Variants in FSIP2 observed in about 807,000 individuals in gnomAD.
The protein encoded by FSIP2 is fibrous sheath-interacting protein 2.
FSIP2 carries 367 observed loss-of-function variants against 510.5 expected under a neutral mutation model. The observed-to-expected ratio is 0.72, with a 90% CI of 0.66 to 0.78. The LOEUF (loss-of-function observed/expected upper bound fraction) is 0.78. FSIP2 is among the 30% of genes least tolerant of loss of function. The probability of loss-of-function intolerance (pLI) is 0.00; values close to 1 mark genes in which losing one functional copy is unlikely to be tolerated. For synonymous variants in FSIP2, 2,601 were observed against 2,732.2 expected (o/e 0.95, Z 1.50); for missense variants, 7,594 against 7,901.7 (o/e 0.96, Z 1.48).
rs537271657 is a variant in FSIP2, at chr2:185,770,126, G to A, written c.1411+5561G>A. On this transcript the variant is annotated intron_variant, in intron 13 of 22. Transcript: ENST00000424728. Reference sequence around the variant, plus strand: ...GTGTGAAGAATGCCATTGGTAGTTTGATAGGAATGGCATTGAATCTGTAAA... The same window carrying A: ...GTGTGAAGAATGCCATTGGTAGTTTAATAGGAATGGCATTGAATCTGTAAA... 1.5e-4 allele frequency among the ~76,000 whole-genome samples: 23 copies of A among 152,220 alleles called. No individual in the cohort carries two copies. The South Asian group carries it at 4.4e-3, about 29-fold the overall frequency.
At position 185,806,613 on chromosome 2, in the gene FSIP2, T is replaced by G; in HGVS notation, c.17307T>G (p.Asp5769Glu). The change falls in exon 17 of 23, where the codon GAT (aspartate) becomes GAG (glutamate). Residue 5769 changes from aspartate (D) to glutamate (E), a missense_variant. Coordinates refer to ENST00000424728, the MANE Select transcript of FSIP2 (RefSeq NM_173651.4). ...EEIKSEPSKP[D>E]DPQNQRESKP... ...TTAAAAGTGAACCCAGTAAACCAGA[T>G]GATCCTCAAAACCAACGAGAAAGTA... 1 of 1,609,212 alleles carries G rather than the reference T, an allele frequency of 6.2e-7. No homozygotes were observed. The highest frequency in any genetic ancestry group is 8.5e-7 in the Non-Finnish European group (1 of 1,178,182).
chr2:185,766,747 G>A (rs1033586759), intron 13 of FSIP2, among the ~76,000 whole-genome samples: 11 of 148,924 alleles, frequency 7.4e-5, no homozygotes, highest in African/African-American at 2.5e-4. Flanking sequence ...AACCATTGTG[G>A]AAGTCAGTGT....
Position 185,801,036 on chromosome 2 carries a change from T to A in FSIP2, c.11730T>A (p.Asn3910Lys), listed in dbSNP as rs1459283084. 2 of 1,532,064 alleles carry A rather than the reference T, an allele frequency of 1.3e-6. No homozygotes were observed. The highest frequency in any genetic ancestry group is 4.9e-5 in the East Asian group (2 of 40,816). The allele number at this position is 1,532,064 out of a possible 1,614,324, so 94.9% of individuals were successfully genotyped here. The change falls in exon 17 of 23, where the codon AAT (asparagine) becomes AAA (lysine). Residue 3910 changes from asparagine (N) to lysine (K), a missense_variant. Coordinates refer to ENST00000424728, the MANE Select transcript of FSIP2 (RefSeq NM_173651.4). ...SSLELRSYDS[N>K]SLTVSLNNPS... ...TAGAACTCAGGAGCTATGATAGTAA[T>A]TCTTTGACAGTATCCCTGAATAATC...
chr2:185,815,781 G>A (rs1465844231), intron 19 of FSIP2, among the ~76,000 whole-genome samples: 3 of 152,032 alleles, frequency 2.0e-5, no homozygotes, highest in Non-Finnish European at 4.4e-5. Flanking sequence ...TAATGGCCCA[G>A]AAATGAAATA....
chr2:185,802,188 A>C lies in FSIP2; in HGVS notation c.12882A>C (p.Arg4294Ser), dbSNP rs1693455747. 1 of 1,533,194 alleles carries C rather than the reference A, an allele frequency of 6.5e-7. No homozygotes were observed. Among genetic ancestry groups the C allele is most frequent in the Non-Finnish European group, 8.7e-7 (1 of 1,145,128 alleles). The allele number at this position is 1,533,194 out of a possible 1,614,324, so 95.0% of individuals were successfully genotyped here. A position where few individuals can be genotyped will look rare whatever the true frequency, so the allele number is the denominator to read the frequency against. ...TGAGTGAAGTGATAGAGTCACACAG[A>C]CCTCAGAAGCAATCACCTTTAGATA... is the stretch of plus-strand genomic sequence containing the variant. ...QVLSEVIESH[R>S]PQKQSPLDIH... The change falls in exon 17 of 23, where the codon AGA becomes AGC. Residue 4294 changes from arginine (R) to serine (S), a missense_variant. By Grantham distance (110) the Arg-to-Ser change is moderately radical. Coordinates refer to ENST00000424728, the MANE Select transcript of FSIP2 (RefSeq NM_173651.4).
rs1183967912 is a variant in FSIP2, at chr2:185,756,297, AAGAAAC to A, written c.1078+21_1078+26del. 1 of 941,538 alleles carries A rather than the reference AAGAAAC, an allele frequency of 1.1e-6. No individual in the cohort carries two copies. Among genetic ancestry groups the A allele is most frequent in the Non-Finnish European group, 1.5e-6 (1 of 651,978 alleles). 58.3% of individuals were successfully genotyped at this position (941,538 alleles called of 1,614,324 possible). On this transcript the variant is annotated intron_variant, in intron 9 of 22. Transcript: ENST00000424728. ...ACACATGGTAATTGAATATTGTGACAAGAAACACTAGATACTAAACAATAATTTGGG... is the reference window on the plus strand; with the variant it reads ...ACACATGGTAATTGAATATTGTGACAACTAGATACTAAACAATAATTTGGG...
chr2:185,791,355 A>G lies in FSIP2; in HGVS notation c.4219A>G (p.Lys1407Glu). The G allele has an allele frequency of 6.5e-7, 1 of 1,534,176 alleles. No individual in the cohort carries two copies. Among genetic ancestry groups the G allele is most frequent in the South Asian group, 1.2e-5 (1 of 84,018 alleles). ...TAGGCAAGATAAAAAATCTTTTCAC[A>G]AATATTTGGCTACTCCTTGTACTCA... ...PNRQDKKSFH[K>E]YLATPCTHHS... Residue 1407 changes from lysine to glutamate, a missense_variant, in exon 16 of 23, where the codon AAA (lysine) becomes GAA (glutamate). Transcript: ENST00000424728.
rs1693443118 is a variant in FSIP2, at chr2:185,801,800, G to GA, written c.12501dup (p.Tyr4168IlefsTer6). ...CCACCCATTACATGTTCCTCTTTAG[G>GA]AAAAAAATATTTAATGAGTTCTGAT... On this transcript the variant is annotated frameshift_variant, in exon 17 of 23. Transcript: ENST00000424728. LOFTEE classifies it high-confidence loss of function. 6.7e-6 allele frequency: 10 copies of GA among 1,492,124 alleles called. No homozygotes were observed. Among genetic ancestry groups the GA allele is most frequent in the South Asian group, 1.3e-5 (1 of 77,612 alleles). The allele number at this position is 1,492,124 out of a possible 1,614,324, so 92.4% of individuals were successfully genotyped here.
In FSIP2 at chr2:185,747,508, A is replaced by G. The variant is rs1005742954; in HGVS notation, c.870+85A>G. 6 of 686,484 alleles carry G rather than the reference A, an allele frequency of 8.7e-6. No individual in the cohort carries two copies. The East Asian group carries it at 1.6e-4, about 19-fold the overall frequency. 42.5% of individuals were successfully genotyped at this position (686,484 alleles called of 1,614,324 possible). A position where few individuals can be genotyped will look rare whatever the true frequency, so the allele number is the denominator to read the frequency against. On this transcript the variant is annotated intron_variant, in intron 7 of 22. Transcript: ENST00000424728. The stretch of plus-strand genomic sequence containing the variant: ...TTTGAAGTACAAATCACTTTGTGAG[A>G]TGACTGTTGCCCAGTTACTCCAAAT...
upstream of FSIP2, among the ~76,000 whole-genome samples, chr2:185,737,183 G>A (rs781028952): frequency 9.9e-5 from 15 of 152,200 alleles, no homozygotes; most frequent in Non-Finnish European, 1.9e-4. Context: ...TTTCTGCCCA[G>A]TGAGATTCTC....
At chr2:185,739,230 C>A in intron 1 of FSIP2, 116 bp from the exon 2 acceptor site, 1 of 1,243,672 alleles carries the variant, frequency 8.0e-7, no homozygotes, top group Non-Finnish European at 1.1e-6. Context: ...TCAGGATGCC[C>A]CGAACCCTGA....
At chr2:185,737,799 C>A (rs1214145753), upstream of FSIP2, among the ~76,000 whole-genome samples, 1 of 151,960 alleles carries the variant, frequency 6.6e-6, no homozygotes, top group Admixed American at 6.6e-5. Flanking sequence ...GCTTAGATTT[C>A]AAATTTAAGA....
Position 185,796,056 on chromosome 2 carries a change from A to G in FSIP2, c.8920A>G (p.Thr2974Ala). 1 of 1,531,814 alleles carries G rather than the reference A, an allele frequency of 6.5e-7. No homozygotes were observed. The highest frequency in any genetic ancestry group is 8.7e-7 in the Non-Finnish European group (1 of 1,145,328). The allele number at this position is 1,531,814 out of a possible 1,614,324, so 94.9% of individuals were successfully genotyped here. ...CCTCAGCAGTTTACCAATCTATAAC[A>G]CAAAGACAAAAGACCAAATTTCTGT... ...HSLSSLPIYN[T>A]KTKDQISVGS... is the part of the protein sequence containing the mutation. Residue 2974 changes from threonine (T) to alanine (A), a missense_variant, in exon 16 of 23, where the codon ACA becomes GCA. Physicochemically the swap from Thr to Ala is moderately conservative, Grantham distance 58. Coordinates refer to ENST00000424728, the MANE Select transcript of FSIP2 (RefSeq NM_173651.4).
Position 185,793,506 on chromosome 2 carries a change from G to A in FSIP2, c.6370G>A (p.Asp2124Asn). Residue 2124 changes from aspartate to asparagine, a missense_variant, in exon 16 of 23, where the codon GAT becomes AAT. Transcript: ENST00000424728. Reference protein sequence around the residue: ...ATPTLKCSIADKHSEENSEMF... With the variant: ...ATPTLKCSIANKHSEENSEMF... ...ACCCACTCTGAAATGTAGCATAGCT[G>A]ATAAACATTCAGAAGAAAATTCTGA... is the stretch of plus-strand genomic sequence containing the variant. 6.5e-7 allele frequency: 1 copy of A among 1,534,362 alleles called. No homozygotes were observed. Among genetic ancestry groups the A allele is most frequent in the Non-Finnish European group, 8.7e-7 (1 of 1,145,650 alleles).
At chr2:185,788,527 C>A in intron 15 of FSIP2, 116 bp from the exon 16 acceptor site, 2 of 625,328 alleles carry the variant, frequency 3.2e-6, no homozygotes, top group South Asian at 2.7e-5. Flanking sequence ...TTTCATAAAC[C>A]ATAATGGTAT....
Position 185,807,966 on chromosome 2 carries a change from C to G in FSIP2, c.18660C>G (p.Val6220=), listed in dbSNP as rs563007001. ...QKITSKVLNS[V]QEFISKSKIK... ...TAACTTCAAAAGTACTAAATTCAGT[C>G]CAAGAATTTATCTCCAAAAGTAAGA... The change falls in exon 17 of 23, where the codon GTC becomes GTG. Residue 6220 remains valine (V), a synonymous_variant. Coordinates refer to ENST00000424728, the MANE Select transcript of FSIP2 (RefSeq NM_173651.4). 1 of 1,609,346 alleles carries G rather than the reference C, an allele frequency of 6.2e-7. No individual in the cohort carries two copies.
rs1211162033 is a variant in FSIP2 at position 185,801,716 on chromosome 2, T to C, written c.12410T>C (p.Met4137Thr). Residue 4137 changes from methionine (M) to threonine (T), a missense_variant, in exon 17 of 23, where the codon ATG becomes ACG. Coordinates refer to ENST00000424728, the MANE Select transcript of FSIP2 (RefSeq NM_173651.4). Reference protein sequence around the residue: ...LPRSSSDYSTMLSHSFLEDVI... With the variant: ...LPRSSSDYSTTLSHSFLEDVI... ...AGGTCTTCATCAGACTATAGTACCA[T>C]GTTATCACATTCATTTTTAGAAGAT... is the stretch of plus-strand genomic sequence containing the variant. 1.0e-5 allele frequency: 16 copies of C among 1,530,548 alleles called. No homozygotes were observed. Among genetic ancestry groups the C allele is most frequent in the Non-Finnish European group, 1.3e-5 (15 of 1,144,276 alleles). 94.8% of individuals were successfully genotyped at this position (1,530,548 alleles called of 1,614,324 possible).
intron 13 of FSIP2, 86 bp from the exon 14 acceptor site, chr2:185,782,619 A>C: frequency 2.5e-6 from 2 of 815,796 alleles, no homozygotes; most frequent in Admixed American, 2.1e-5. Context: ...GTGATAACAG[A>C]AAATAAATAC....
chr2:185,802,148 T>C lies in FSIP2; in HGVS notation c.12842T>C (p.Ile4281Thr). Residue 4281 changes from isoleucine (I) to threonine (T), a missense_variant, in exon 17 of 23, where the codon ATT becomes ACT. By Grantham distance (89) the Ile-to-Thr change is moderately conservative. Transcript: ENST00000424728. ...PRTPLDPVST[I>T]VTQVLSEVIE... ...ACTCCACTGGATCCAGTGTCTACTA[T>C]TGTTACACAGGTTCTGAGTGAAGTG... is the stretch of plus-strand genomic sequence containing the variant. 1 of 1,533,278 alleles carries C rather than the reference T, an allele frequency of 6.5e-7. No individual in the cohort carries two copies. The highest frequency in any genetic ancestry group is 8.7e-7 in the Non-Finnish European group (1 of 1,145,020). 95.0% of individuals were successfully genotyped at this position (1,533,278 alleles called of 1,614,324 possible).
Sources: gnomAD v4.1 joint callset for allele counts (sites outside exome capture counted in the v4.1 genomes callset) on GRCh38, gnomAD v4.1.1 for gene constraint, MANE v1.5 for transcripts, NCBI Gene and HGNC (gene_info 2026-07-23, HGNC 2026-07-21) for gene names.